The following CCDC7 variants were observed in gnomAD, a reference collection of about 807,000 sequenced individuals.
CCDC7 encodes coiled-coil domain containing 7.
A neutral mutation model predicts 196.9 loss-of-function variants in CCDC7; 183 were observed. The ratio of observed to expected loss-of-function variants is 0.93; its 90% CI spans 0.82 to 1.05. The LOEUF is 1.05. Ranked by LOEUF, CCDC7 falls within the 50% of genes least tolerant of loss-of-function variation. CCDC7 has a pLI of 0.00. For missense variants in CCDC7, 1,540 were observed against 1,482.2 expected (o/e 1.04, Z -0.64); for synonymous variants, 525 against 484.6 (o/e 1.08, Z -1.10).
At chr10:32,586,243 C>T (rs1455888931) in intron 18 of CCDC7, among the ~76,000 whole-genome samples, 3 of 151,854 alleles carry the variant, frequency 2.0e-5, no homozygotes, top group Non-Finnish European at 2.9e-5. Context: ...CTTGTAAATT[C>T]GTTTAAGTTT....
At chr10:32,523,925 T>C (rs11008960) in intron 11 of CCDC7, among the ~76,000 whole-genome samples, 13,504 of 152,040 alleles carry the variant, frequency 0.089, 851 homozygotes, top group East Asian at 0.33. Flanking sequence ...GTTTTTTTTT[T>C]AATCCATTCA....
At chr10:32,592,846 A>T (rs900565306) in intron 18 of CCDC7, among the ~76,000 whole-genome samples, 8 of 152,146 alleles carry the variant, frequency 5.3e-5, no homozygotes, top group African/African-American at 1.9e-4. Flanking sequence ...GATGGTTTCC[A>T]GCTTCATCCA....
chr10:32,876,621 T>C, downstream of CCDC7: 1 of 360,350 alleles, frequency 2.8e-6, no homozygotes, highest in Non-Finnish European at 5.0e-6. Context: ...ACTTTTCTTT[T>C]CAATTTTAAA....
At chr10:32,783,174 A>G (rs1186965540) in intron 29 of CCDC7, among the ~76,000 whole-genome samples, 3 of 152,214 alleles carry the variant, frequency 2.0e-5, no homozygotes, top group East Asian at 1.9e-4. Flanking sequence ...GGACTTCATC[A>G]AAATTAAAAA....
intron 28 of CCDC7, among the ~76,000 whole-genome samples, chr10:32,757,519 A>G (rs1309391314): frequency 6.6e-6 from 1 of 152,246 alleles, no homozygotes; most frequent in African/African-American, 2.4e-5. Flanking sequence ...ACATAACAAA[A>G]TGAAGGCAGA....
intron 21 of CCDC7, among the ~76,000 whole-genome samples, chr10:32,677,216 G>C (rs1358189778): frequency 1.6e-5 from 2 of 127,182 alleles, no homozygotes; most frequent in African/African-American, 5.9e-5. Flanking sequence ...GGACTGTTGT[G>C]GGGTGGGGGG....
At chr10:32,678,083 T>G (rs2075307638) in intron 21 of CCDC7, among the ~76,000 whole-genome samples, 1 of 152,114 alleles carries the variant, frequency 6.6e-6, no homozygotes, top group Admixed American at 6.6e-5. Context: ...TTGGTAAGTC[T>G]TTGTTGAATC....
chr10:32,592,713 C>T (rs564151546), intron 18 of CCDC7, among the ~76,000 whole-genome samples: 4 of 152,208 alleles, frequency 2.6e-5, no homozygotes, highest in East Asian at 1.9e-4. Flanking sequence ...CCACACCCCC[C>T]GACAAGCCCC....
intron 25 of CCDC7, among the ~76,000 whole-genome samples, chr10:32,717,289 A>G (rs2081744561): frequency 6.6e-6 from 1 of 152,182 alleles, no homozygotes. Flanking sequence ...CTACTGGGTA[A>G]ATAACGAAAT....
intron 18 of CCDC7, among the ~76,000 whole-genome samples, chr10:32,588,170 A>G (rs984888088): frequency 2.0e-5 from 3 of 152,184 alleles, no homozygotes; most frequent in African/African-American, 7.2e-5. Flanking sequence ...TCAACTTTGA[A>G]ATCCCCAGCT....
chr10:32,599,165 C>T (rs913391453), intron 18 of CCDC7, among the ~76,000 whole-genome samples: 4 of 152,012 alleles, frequency 2.6e-5, no homozygotes, highest in South Asian at 2.1e-4. Flanking sequence ...GTGTACTGCT[C>T]GTCTTTGTTG....
At chr10:32,454,671 C>T (rs376879942) in intron 2 of CCDC7, among the ~76,000 whole-genome samples, 2 of 152,100 alleles carry the variant, frequency 1.3e-5, no homozygotes, top group South Asian at 2.1e-4. Context: ...ATCAGCCCTT[C>T]GGATATCCCC....
chr10:32,654,406 A>G (rs2069368477), intron 20 of CCDC7, among the ~76,000 whole-genome samples: 1 of 152,146 alleles, frequency 6.6e-6, no homozygotes, highest in Non-Finnish European at 1.5e-5. Flanking sequence ...TTTTGTTTAA[A>G]TTCTAAATAA....
chr10:32,808,664 C>T (rs1400156688), intron 30 of CCDC7, among the ~76,000 whole-genome samples: 1 of 131,216 alleles, frequency 7.6e-6, no homozygotes, highest in African/African-American at 2.5e-5. Context: ...CACCTAGGGG[C>T]CCAAGGATAG....
chr10:32,664,045 T>C lies in CCDC7; in HGVS notation c.2015-9T>C. ...ATGTTTAGTGCACTAAATTTATTAA[T>C]TTGTGTAGCTCATAATGATGTACCA... On this transcript the variant is annotated splice_polypyrimidine_tract_variant and intron_variant, in intron 20 of 41. Transcript: ENST00000639629. The C allele has an allele frequency of 2.5e-6, 1 of 396,090 alleles. No homozygotes were observed. The highest frequency in any genetic ancestry group is 4.5e-6 in the Non-Finnish European group (1 of 224,038). The allele number at this position is 396,090 out of a possible 1,614,324, so 24.5% of individuals were successfully genotyped here.
upstream of CCDC7, among the ~76,000 whole-genome samples, chr10:32,451,240 G>A (rs1464244838): frequency 6.6e-6 from 1 of 152,072 alleles, no homozygotes; most frequent in Non-Finnish European, 1.5e-5. Flanking sequence ...GTGACTCTTG[G>A]TTAGTCACTT....
chr10:32,523,628 A>G (rs184326286), intron 11 of CCDC7, among the ~76,000 whole-genome samples: 31 of 151,826 alleles, frequency 2.0e-4, no homozygotes, highest in African/African-American at 7.2e-4. Flanking sequence ...TAGCTCTAAT[A>G]ATATTTGCTT....
At chr10:32,460,880 G>C (rs1298557120) in intron 3 of CCDC7, among the ~76,000 whole-genome samples, 3 of 152,138 alleles carry the variant, frequency 2.0e-5, no homozygotes, top group Non-Finnish European at 2.9e-5. Flanking sequence ...GTACTAATAA[G>C]TATGCTTGTA....
chr10:32,721,193 T>C (rs982779139), intron 25 of CCDC7, among the ~76,000 whole-genome samples: 1 of 152,204 alleles, frequency 6.6e-6, no homozygotes, highest in African/African-American at 2.4e-5. Flanking sequence ...GGTTGAACTT[T>C]ATAACACTAT....
Sources: gnomAD v4.1 joint callset for allele counts (sites outside exome capture counted in the v4.1 genomes callset) on GRCh38, gnomAD v4.1.1 for gene constraint, MANE v1.5 for transcripts, NCBI Gene and HGNC (gene_info 2026-07-23, HGNC 2026-07-21) for gene names.